AGMO: variants seen among roughly 807,000 people sequenced by gnomAD.
AGMO encodes the protein alkylglycerol monooxygenase, also known as glyceryl-ether monooxygenase.
A neutral mutation model predicts 60.2 loss-of-function variants in AGMO; 75 were observed. The observed-to-expected ratio is 1.25, with a 90% CI of 1.03 to 1.51. AGMO has a LOEUF of 1.51. Ranked by LOEUF, AGMO falls within the 40% of genes most tolerant of loss-of-function variation. The probability of loss-of-function intolerance (pLI) is 0.00; values close to 1 mark genes in which losing one functional copy is unlikely to be tolerated. For synonymous variants in AGMO, 261 were observed against 177.1 expected (o/e 1.47, Z -3.76); for missense variants, 763 against 525.5 (o/e 1.45, Z -4.42).
intron 2 of AGMO, among the ~76,000 whole-genome samples, chr7:15,551,043 A>G (rs1784943675): frequency 6.6e-6 from 1 of 150,896 alleles, no homozygotes; most frequent in Non-Finnish European, 1.5e-5. Context: ...AATCCAGCAT[A>G]TAAACAGAGC....
chr7:15,119,798 A>G, the AGMO span, among the ~76,000 whole-genome samples: 1 of 152,072 alleles, frequency 6.6e-6, no homozygotes, highest in Admixed American at 6.6e-5. Flanking sequence ...TAATTATTTT[A>G]TATCTTACAG....
the AGMO span, among the ~76,000 whole-genome samples, chr7:15,130,938 T>C: frequency 1.3e-5 from 2 of 152,176 alleles, no homozygotes; most frequent in Non-Finnish European, 2.9e-5. Flanking sequence ...ACATAGAACC[T>C]TGGCTTATGA....
intron 10 of AGMO, among the ~76,000 whole-genome samples, chr7:15,383,078 C>A (rs1255974959): frequency 6.6e-6 from 1 of 151,750 alleles, no homozygotes; most frequent in East Asian, 1.9e-4. Flanking sequence ...CATTCGTAGG[C>A]TGGGTACATA....
At chr7:15,483,361 T>C (rs1248526537) in intron 3 of AGMO, among the ~76,000 whole-genome samples, 12 of 152,116 alleles carry the variant, frequency 7.9e-5, no homozygotes, top group African/African-American at 2.9e-4. Context: ...GGTCAGGAGA[T>C]TGAGACCATC....
intron 3 of AGMO, among the ~76,000 whole-genome samples, chr7:15,521,282 G>T (rs976410272): frequency 6.6e-6 from 1 of 152,106 alleles, no homozygotes; most frequent in African/African-American, 2.4e-5. Context: ...AGAGGAGCTG[G>T]TACCATTCCT....
intron 12 of AGMO, among the ~76,000 whole-genome samples, chr7:15,238,220 TC>T (rs1442474431): frequency 1.3e-5 from 2 of 152,068 alleles, no homozygotes; most frequent in East Asian, 3.9e-4. Context: ...TGGCAATTTT[TC>T]TTTTTCAATA....
chr7:15,168,851 T>C, the AGMO span, among the ~76,000 whole-genome samples: 4 of 152,364 alleles, frequency 2.6e-5, no homozygotes, highest in South Asian at 4.1e-4. Flanking sequence ...CAATTGGTGA[T>C]GCCTTCGTTG....
chr7:15,148,822 T>G, the AGMO span, among the ~76,000 whole-genome samples: 1 of 152,274 alleles, frequency 6.6e-6, no homozygotes, highest in Non-Finnish European at 1.5e-5. Context: ...ATGTATATTT[T>G]GGGGAGTATA....
the AGMO span, among the ~76,000 whole-genome samples, chr7:15,150,363 C>G: frequency 0.82 from 125,163 of 151,970 alleles, 52,308 homozygotes; most frequent in East Asian, 1. Context: ...GCTGAGAAGG[C>G]ACATTCTTGT....
chr7:15,399,813 T>G (rs1008077559), intron 5 of AGMO, among the ~76,000 whole-genome samples: 3 of 152,208 alleles, frequency 2.0e-5, no homozygotes, highest in Admixed American at 1.3e-4. Flanking sequence ...CTCCTTGTAA[T>G]GAACCAAACA....
At chr7:15,360,127 A>C (rs1782691618) in intron 12 of AGMO, among the ~76,000 whole-genome samples, 2 of 152,196 alleles carry the variant, frequency 1.3e-5, no homozygotes, top group Admixed American at 1.3e-4. Flanking sequence ...TATTTAATCC[A>C]CATGTCCACC....
At chr7:15,192,263 G>GC in the AGMO span, among the ~76,000 whole-genome samples, 18 of 149,916 alleles carry the variant, frequency 1.2e-4, no homozygotes, top group Non-Finnish European at 2.7e-4. Flanking sequence ...GGCCCGCCAT[G>GC]CCCCCCACAT....
chr7:15,187,904 C>T, the AGMO span, among the ~76,000 whole-genome samples: 1 of 151,502 alleles, frequency 6.6e-6, no homozygotes, highest in Non-Finnish European at 1.5e-5. Flanking sequence ...TTAACTCCCC[C>T]CCGACTGCCC....
At chr7:15,120,137 A>G in the AGMO span, among the ~76,000 whole-genome samples, 3 of 152,110 alleles carry the variant, frequency 2.0e-5, no homozygotes, top group South Asian at 2.1e-4. Flanking sequence ...AAACCAAAAA[A>G]GAACAAAAAA....
chr7:15,342,574 T>C (rs1046290176), intron 12 of AGMO, among the ~76,000 whole-genome samples: 5 of 152,008 alleles, frequency 3.3e-5, no homozygotes, highest in Admixed American at 3.3e-4. Flanking sequence ...CTTCAAGGTT[T>C]TAGCCAGGTT....
chr7:15,475,487 A>G (rs899498827), intron 3 of AGMO, among the ~76,000 whole-genome samples: 25 of 152,106 alleles, frequency 1.6e-4, no homozygotes, highest in Admixed American at 3.9e-4. Flanking sequence ...TGGGAGATGA[A>G]TAATGAGAAT....
intron 12 of AGMO, among the ~76,000 whole-genome samples, chr7:15,212,521 T>C (rs1781623614): frequency 6.6e-6 from 1 of 152,094 alleles, no homozygotes. Context: ...ATTATCTTTA[T>C]AATGTTGTCA....
At chr7:15,559,285 G>C (rs966061057) in intron 2 of AGMO, among the ~76,000 whole-genome samples, 1 of 152,078 alleles carries the variant, frequency 6.6e-6, no homozygotes, top group Admixed American at 6.6e-5. Flanking sequence ...TTGTGTGCAA[G>C]CTAGCAGGAA....
intron 12 of AGMO, among the ~76,000 whole-genome samples, chr7:15,318,150 C>G (rs535333855): frequency 6.6e-6 from 1 of 151,832 alleles, no homozygotes; most frequent in South Asian, 2.1e-4. Context: ...GAATTACAGG[C>G]ATGCACCACA....
Sources: allele counts gnomAD v4.1 joint callset (sites outside exome capture counted in the v4.1 genomes callset), GRCh38; gene constraint gnomAD v4.1.1; transcripts MANE v1.5; gene names NCBI Gene and HGNC (gene_info 2026-07-23, HGNC 2026-07-21).